SPG11: variants seen among roughly 807,000 people sequenced by gnomAD.
The protein encoded by SPG11 is spatacsin.
Under a neutral mutation model 274.0 loss-of-function variants are expected in SPG11, and 222 were observed. That is an observed-to-expected ratio of 0.81 (90% CI 0.73 to 0.91). The LOEUF (loss-of-function observed/expected upper bound fraction) is 0.91. SPG11 is among the 40% of genes least tolerant of loss of function. The pLI, the probability that SPG11 is intolerant of heterozygous loss-of-function variation, is 0.00. For missense variants in SPG11, 3,114 were observed against 2,872.7 expected (o/e 1.08, Z -1.92); for synonymous variants, 1,144 against 1,039.7 (o/e 1.10, Z -1.93).
intron 8 of SPG11, among the ~76,000 whole-genome samples, chr15:44,630,829 CG>C (rs202074253): frequency 0.012 from 1,769 of 152,264 alleles, 30 homozygotes; most frequent in East Asian, 0.037. Context: ...CCACCCATCT[CG>C]GCCTCCCAAA....
chr15:44,589,523 C>T (rs897599181), intron 27 of SPG11, 109 bp from the exon 28 acceptor site: 25 of 1,329,132 alleles, frequency 1.9e-5, no homozygotes, highest in Admixed American at 3.7e-5. Flanking sequence ...CAAAAGCCAT[C>T]GCCTGTCATG....
intron 15 of SPG11, among the ~76,000 whole-genome samples, chr15:44,618,516 CAA>C (rs1243300533): frequency 3.1e-4 from 11 of 35,364 alleles, no homozygotes; most frequent in Non-Finnish European, 3.5e-4. Context: ...GACTCCATCT[CAA>C]AAAAAAAAAA....
At chr15:44,575,260 C>G (rs1225324117) in intron 30 of SPG11, 1 of 560,722 alleles carries the variant, frequency 1.8e-6, no homozygotes, top group Non-Finnish European at 3.2e-6. Context: ...TCATATGCTA[C>G]AAAGATCAAG....
Position 44,620,307 on chromosome 15 carries a change from T to C in SPG11, c.2717A>G (p.Gln906Arg), listed in dbSNP as rs2083706533. The change falls in exon 15 of 40, where the codon CAG (glutamine) becomes CGG (arginine). Residue 906 changes from glutamine (Q) to arginine (R), a missense_variant. By Grantham distance (43) the Gln-to-Arg change is conservative. Transcript: ENST00000261866. ...CTGCTGAAGTGAAGCATAACTATGCTGGGTTTGAAATTCTCCAATCCATAA... is the reference window on the plus strand; with the variant it reads ...CTGCTGAAGTGAAGCATAACTATGCCGGGTTTGAAATTCTCCAATCCATAA... ...IILWIGEFQTQHSYASLQQNK... is the reference protein window; with the variant it reads ...IILWIGEFQTRHSYASLQQNK... The C allele has an allele frequency of 1.2e-6, 2 of 1,613,986 alleles. No homozygotes were observed. Among genetic ancestry groups the C allele is most frequent in the African/African-American group, 1.3e-5 (1 of 74,926 alleles).
Position 44,563,044 on chromosome 15 carries a change from C to G in SPG11, c.*77G>C. The G allele has an allele frequency of 7.0e-7, 1 of 1,437,348 alleles. No individual in the cohort carries two copies. The highest frequency in any genetic ancestry group is 9.8e-7 in the Non-Finnish European group (1 of 1,023,878). 89.0% of individuals were successfully genotyped at this position (1,437,348 alleles called of 1,614,324 possible). On this transcript the variant is annotated 3_prime_UTR_variant, in exon 40 of 40. Coordinates refer to ENST00000261866, the MANE Select transcript of SPG11 (RefSeq NM_025137.4). ...GGGATTGTTCAACTTTAGCAAAGAT[C>G]TCCAATGCATTCTTCTTCTCATCAC...
intron 4 of SPG11, 96 bp from the exon 5 acceptor site, chr15:44,652,362 A>G: frequency 1.5e-6 from 2 of 1,310,684 alleles, no homozygotes; most frequent in South Asian, 2.5e-5. Context: ...GATTACAGAG[A>G]AGGAATAGTA....
intron 16 of SPG11, among the ~76,000 whole-genome samples, chr15:44,614,175 C>G (rs2083533534): frequency 6.6e-6 from 1 of 152,208 alleles, no homozygotes; most frequent in Non-Finnish European, 1.5e-5. Context: ...GACAACATTT[C>G]TAAGTAAGAC....
At chr15:44,583,182 A>C (rs1443972255) in intron 30 of SPG11, among the ~76,000 whole-genome samples, 1 of 152,224 alleles carries the variant, frequency 6.6e-6, no homozygotes, top group Non-Finnish European at 1.5e-5. Flanking sequence ...AAGGTAACAT[A>C]AAAAACAGAT....
chr15:44,634,085 T>C (rs949172561), intron 7 of SPG11, among the ~76,000 whole-genome samples: 8 of 152,030 alleles, frequency 5.3e-5, no homozygotes, highest in African/African-American at 1.9e-4. Context: ...ATGATCCACC[T>C]GCCTTGGCCT....
chr15:44,627,284 C>T (rs1006362958), intron 10 of SPG11, among the ~76,000 whole-genome samples: 2 of 152,110 alleles, frequency 1.3e-5, no homozygotes, highest in Admixed American at 1.3e-4. Flanking sequence ...AAGATCTAAA[C>T]ACTAGAGGGA....
At chr15:44,609,906 T>A (rs2083417190) in intron 18 of SPG11, among the ~76,000 whole-genome samples, 2 of 142,768 alleles carry the variant, frequency 1.4e-5, no homozygotes, top group South Asian at 4.5e-4. Context: ...TTTTTTTTTT[T>A]TTTTTTTTTT....
At chr15:44,628,537 C>T (rs926100721) in intron 10 of SPG11, 132 bp downstream of exon 10, 27 of 853,784 alleles carry the variant, frequency 3.2e-5, no homozygotes, top group African/African-American at 2.0e-4. Flanking sequence ...ATCCCCAAAC[C>T]GATAAAACCT....
chr15:44,566,011 T>C lies in SPG11; in HGVS notation c.6844-2A>G, dbSNP rs2140913822. ...CTGGGCCTGTCGCACACAGGAGTCC[T>C]GAGGAACAAGGGTGGAGAGGCACAG... On this transcript the variant is annotated splice_acceptor_variant, in intron 37 of 39. Coordinates refer to ENST00000261866, the MANE Select transcript of SPG11 (RefSeq NM_025137.4). LOFTEE classifies it high-confidence loss of function. 1 of 1,613,580 alleles carries C rather than the reference T, an allele frequency of 6.2e-7. No individual in the cohort carries two copies. The highest frequency in any genetic ancestry group is 8.5e-7 in the Non-Finnish European group (1 of 1,180,012).
At position 44,585,925 on chromosome 15, in the gene SPG11, CAG is replaced by C. The variant is rs761377486; in HGVS notation, c.4907-77_4907-76del. ...ACAGCATTTCAAGAGTAATACATAT[CAG>C]GGGGAAAATATACGTGTTTAACATA... On this transcript the variant is annotated intron_variant, in intron 28 of 39. Transcript: ENST00000261866. 1.2e-5 allele frequency: 15 copies of C among 1,229,262 alleles called. No homozygotes were observed. In the African/African-American group the frequency reaches 1.7e-4, roughly 14 times the overall value. 76.1% of individuals were successfully genotyped at this position (1,229,262 alleles called of 1,614,324 possible).
Position 44,584,012 on chromosome 15 carries a change from A to G in SPG11, c.5668T>C (p.Cys1890Arg). The change falls in exon 30 of 40, where the codon TGT becomes CGT. Residue 1890 changes from cysteine (C) to arginine (R), a missense_variant. Transcript: ENST00000261866. ...CATACTCTACTTGCTTCATGCACAC[A>G]GCCATCATCCAGTAGGCGCCCAATC... ...FLIGRLLDDG[C>R]VHEASRVCRY... is the part of the protein sequence containing the mutation. 1 of 1,614,256 alleles carries G rather than the reference A, an allele frequency of 6.2e-7. No homozygotes were observed. Among genetic ancestry groups the G allele is most frequent in the Non-Finnish European group, 8.5e-7 (1 of 1,180,054 alleles).
Position 44,618,109 on chromosome 15 carries a change from T to TTGATA in SPG11, c.2834+2076_2834+2080dup, listed in dbSNP as rs2083636921. ...TATTTAAAGATCAACTTGGTAAGAC[T>TTGATA]TGATAGCAGGCTTGTCTTGCTCCAA... On this transcript the variant is annotated intron_variant, in intron 15 of 39. Transcript: ENST00000261866. Among the ~76,000 whole-genome samples the TTGATA allele has an allele frequency of 5.3e-5, 8 of 152,340 alleles. No individual in the cohort carries two copies. The South Asian group carries it at 1.7e-3, about 32-fold the overall frequency.
At chr15:44,573,472 C>T in intron 32 of SPG11, 75 bp downstream of exon 32, 2 of 1,507,136 alleles carry the variant, frequency 1.3e-6, no homozygotes, top group Non-Finnish European at 1.8e-6. Context: ...TATATAAGCA[C>T]AACATCCAAA....
chr15:44,661,022 T>C (rs1429165067), intron 1 of SPG11, among the ~76,000 whole-genome samples: 2 of 152,218 alleles, frequency 1.3e-5, no homozygotes, highest in African/African-American at 4.8e-5. Context: ...GTTTTGACTT[T>C]TAAAAGAAAG....
rs973708419 is a variant in SPG11 at position 44,574,795 on chromosome 15, G to A, written c.6006+107C>T. The A allele has an allele frequency of 4.1e-5, 55 of 1,345,064 alleles. 1 individual carries two copies. The highest frequency in any genetic ancestry group is 5.0e-5 in the Non-Finnish European group (47 of 945,440). The allele number at this position is 1,345,064 out of a possible 1,614,324, so 83.3% of individuals were successfully genotyped here. A position where few individuals can be genotyped will look rare whatever the true frequency, so the allele number is the denominator to read the frequency against. ...CATCCTGATAAGAGCTCTACTCCCA[G>A]GTCATGATTATCATCTAAAAGGCTG... On this transcript the variant is annotated intron_variant, in intron 31 of 39. Transcript: ENST00000261866.
Sources: allele counts gnomAD v4.1 joint callset (sites outside exome capture counted in the v4.1 genomes callset), GRCh38; gene constraint gnomAD v4.1.1; transcripts MANE v1.5; gene names NCBI Gene and HGNC (gene_info 2026-07-23, HGNC 2026-07-21).